The following EVL variants were observed in gnomAD, a reference collection of about 807,000 sequenced individuals.
EVL encodes the protein Enah/Vasp-like.
Under a neutral mutation model 59.6 loss-of-function variants are expected in EVL, and 21 were observed. The observed-to-expected ratio is 0.35, with a 90% CI of 0.25 to 0.51. The LOEUF is 0.51. Among genes scored for constraint, EVL ranks in the 20% least tolerant of loss-of-function variants. EVL has a pLI of 0.97. For missense variants in EVL, 462 were observed against 546.6 expected (o/e 0.85, Z 1.54); for synonymous variants, 198 against 203.5 (o/e 0.97, Z 0.23).
intron 1 of EVL, among the ~76,000 whole-genome samples, chr14:100,075,694 G>C (rs2062145729): frequency 6.6e-6 from 1 of 152,160 alleles, no homozygotes; most frequent in Non-Finnish European, 1.5e-5. Flanking sequence ...TGAAGTGGCT[G>C]TCCTGACGGC....
chr14:100,046,296 G>A (rs185254671), intron 1 of EVL, among the ~76,000 whole-genome samples: 4 of 152,292 alleles, frequency 2.6e-5, no homozygotes, highest in Admixed American at 2.6e-4. Context: ...CACATACAAT[G>A]AGTATATATG....
At chr14:100,045,033 C>T (rs894064753) in intron 1 of EVL, among the ~76,000 whole-genome samples, 1 of 152,220 alleles carries the variant, frequency 6.6e-6, no homozygotes, top group African/African-American at 2.4e-5. Context: ...TACCTAGTTA[C>T]AGCTAGTGTG....
intron 1 of EVL, among the ~76,000 whole-genome samples, chr14:100,057,183 A>G (rs2061746950): frequency 6.6e-6 from 1 of 152,224 alleles, no homozygotes; most frequent in Non-Finnish European, 1.5e-5. Flanking sequence ...TGTGCTAGAA[A>G]CTAGATTTCC....
At chr14:100,020,368 G>C (rs991521411) in intron 1 of EVL, among the ~76,000 whole-genome samples, 65 of 152,046 alleles carry the variant, frequency 4.3e-4, no homozygotes, top group Non-Finnish European at 8.8e-4. Context: ...CCAATAGAAG[G>C]AGTTTCTAAG....
chr14:100,093,269 A>G (rs143338617), intron 2 of EVL, among the ~76,000 whole-genome samples: 4 of 152,374 alleles, frequency 2.6e-5, no homozygotes, highest in Admixed American at 2.0e-4. Flanking sequence ...CATTTGGCTT[A>G]CAGGGATATA....
At chr14:99,973,751 C>T (rs1239613705) in intron 1 of EVL, among the ~76,000 whole-genome samples, 6 of 152,202 alleles carry the variant, frequency 3.9e-5, no homozygotes, top group Admixed American at 6.5e-5. Flanking sequence ...GCATGAGCCA[C>T]CGAAAATAGT....
intron 1 of EVL, among the ~76,000 whole-genome samples, chr14:99,995,734 A>G (rs2060908717): frequency 1.3e-5 from 2 of 152,150 alleles, no homozygotes; most frequent in African/African-American, 2.4e-5. Flanking sequence ...CTGGCTTTGT[A>G]CAGGGAGAGA....
intron 2 of EVL, among the ~76,000 whole-genome samples, chr14:100,089,103 C>T (rs2062509128): frequency 6.6e-6 from 1 of 152,134 alleles, no homozygotes; most frequent in African/African-American, 2.4e-5. Flanking sequence ...CATAGCATCC[C>T]TACATTTGTA....
intron 1 of EVL, among the ~76,000 whole-genome samples, chr14:100,027,663 G>T (rs972252844): frequency 2.6e-5 from 4 of 151,634 alleles, no homozygotes; most frequent in Non-Finnish European, 5.9e-5. Context: ...GTTGTTGGAC[G>T]CTTAGGTTGA....
chr14:100,003,762 T>TC (rs1459675972), intron 1 of EVL, among the ~76,000 whole-genome samples: 1 of 152,248 alleles, frequency 6.6e-6, no homozygotes, highest in Admixed American at 6.5e-5. Flanking sequence ...CTCAGTTTTT[T>TC]CCTAAGCAAA....
At chr14:100,038,170 A>C (rs532626822) in intron 1 of EVL, among the ~76,000 whole-genome samples, 1 of 152,338 alleles carries the variant, frequency 6.6e-6, no homozygotes, top group African/African-American at 2.4e-5. Flanking sequence ...CCTGGCAACC[A>C]GCTCTGTAGA....
intron 1 of EVL, among the ~76,000 whole-genome samples, chr14:100,081,910 G>A (rs1281548494): frequency 1.3e-5 from 2 of 152,150 alleles, no homozygotes; most frequent in Non-Finnish European, 2.9e-5. Context: ...GACCAGCCTG[G>A]GCAACATGGT....
intron 1 of EVL, among the ~76,000 whole-genome samples, chr14:100,072,023 A>G (rs938276119): frequency 6.6e-6 from 1 of 152,214 alleles, no homozygotes; most frequent in Admixed American, 6.5e-5. Context: ...GAGATCTGGC[A>G]GTCACCTCTT....
At chr14:100,098,656 A>G (rs1312493808) in intron 3 of EVL, among the ~76,000 whole-genome samples, 3 of 152,140 alleles carry the variant, frequency 2.0e-5, no homozygotes, top group Non-Finnish European at 1.5e-5. Context: ...CTTTCCCAGG[A>G]TGGGTGTCTT....
intron 8 of EVL, among the ~76,000 whole-genome samples, chr14:100,134,239 C>T (rs528963080): frequency 2.6e-5 from 4 of 152,316 alleles, no homozygotes; most frequent in East Asian, 1.9e-4. Flanking sequence ...ACTGTGGCCT[C>T]GCTCCAGCCA....
intron 3 of EVL, chr14:100,107,036 C>T: frequency 2.5e-6 from 1 of 398,744 alleles, no homozygotes; most frequent in Non-Finnish European, 4.4e-6. Context: ...AGCAAGTCAC[C>T]TCCTCCATCA....
At position 100,051,746 on chromosome 14, in the gene EVL, A is replaced by C. The variant is rs112788963; in HGVS notation, c.6-32941A>C. On this transcript the variant is annotated intron_variant, in intron 1 of 13. Transcript: ENST00000402714. ...GCATGTTTATTCCTGGGGGTACATAAAGACTTCCTGGGGATAAATTGGCGA... is the reference window on the plus strand; with the variant it reads ...GCATGTTTATTCCTGGGGGTACATACAGACTTCCTGGGGATAAATTGGCGA... Among the ~76,000 whole-genome samples, 954 of 152,288 alleles carry C rather than the reference A, an allele frequency of 6.3e-3. 11 individuals carry two copies. Among genetic ancestry groups the C allele is most frequent in the African/African-American group, 0.021 (863 of 41,560 alleles).
chr14:100,065,459 G>A lies in EVL; in HGVS notation c.-42G>A, dbSNP rs770312162. 6 of 1,450,268 alleles carry A rather than the reference G, an allele frequency of 4.1e-6. No individual in the cohort carries two copies. The highest frequency in any genetic ancestry group is 9.2e-7 in the Non-Finnish European group (1 of 1,086,004). The allele number at this position is 1,450,268 out of a possible 1,614,324, so 89.8% of individuals were successfully genotyped here. A position where few individuals can be genotyped will look rare whatever the true frequency, so the allele number is the denominator to read the frequency against. ...TCAACATAGGCTGGTGGGAGTACAGGACTCGCCTCCTCAGGGTTCCCTGTG... is the reference window on the plus strand; with the variant it reads ...TCAACATAGGCTGGTGGGAGTACAGAACTCGCCTCCTCAGGGTTCCCTGTG... On this transcript the variant is annotated 5_prime_UTR_variant, in exon 1 of 14. Coordinates refer to ENST00000392920, the MANE Select transcript of EVL (RefSeq NM_016337.3).
At chr14:100,059,622 C>A (rs751089193) in intron 1 of EVL, among the ~76,000 whole-genome samples, 2 of 152,074 alleles carry the variant, frequency 1.3e-5, no homozygotes, top group Non-Finnish European at 2.9e-5. Context: ...TGTTGCAGAT[C>A]CGGCTTAACC....
Sources: gnomAD v4.1 joint callset for allele counts (sites outside exome capture counted in the v4.1 genomes callset) on GRCh38, gnomAD v4.1.1 for gene constraint, MANE v1.5 for transcripts, NCBI Gene and HGNC (gene_info 2026-07-23, HGNC 2026-07-21) for gene names.